OTUD6B: variants seen among roughly 807,000 people sequenced by gnomAD.
OTUD6B encodes the protein deubiquitinase OTUD6B.
A neutral mutation model predicts 36.9 loss-of-function variants in OTUD6B; 41 were observed. The ratio of observed to expected loss-of-function variants is 1.11; its 90% CI spans 0.87 to 1.44. OTUD6B has a LOEUF of 1.44. Among genes scored for constraint, OTUD6B ranks in the 40% most tolerant of loss-of-function variants. OTUD6B has a pLI of 0.00. For synonymous variants in OTUD6B, 114 were observed against 114.2 expected (o/e 1.00, Z 0.01); for missense variants, 356 against 344.8 (o/e 1.03, Z -0.26).
intron 4 of OTUD6B, chr8:91,079,228 G>A (rs1480854279): frequency 6.6e-6 from 1 of 152,200 alleles, no homozygotes; most frequent in Non-Finnish European, 1.5e-5. Flanking sequence ...AGATGAGGAA[G>A]AGAGCAAGTA....
Position 91,082,053 on chromosome 8 carries a change from A to G in OTUD6B, c.690+1323A>G, listed in dbSNP as rs989008593. 2.0e-5 allele frequency among the ~76,000 whole-genome samples: 3 copies of G among 152,282 alleles called. No individual in the cohort carries two copies. In the East Asian group the frequency reaches 5.8e-4, roughly 29 times the overall value. On this transcript the variant is annotated intron_variant, in intron 5 of 6. Transcript: ENST00000404789. The stretch of plus-strand genomic sequence containing the variant: ...TGAATTCATTTGAAGTAAGAGTTGC[A>G]GTTTTCACAATAGAGTAAATTTAAG...
At chr8:91,077,218 A>G (rs1333485749) in intron 3 of OTUD6B, among the ~76,000 whole-genome samples, 1 of 151,818 alleles carries the variant, frequency 6.6e-6, no homozygotes, top group Non-Finnish European at 1.5e-5. Context: ...AGAAAGATGC[A>G]GAAAAACATA....
intron 5 of OTUD6B, among the ~76,000 whole-genome samples, chr8:91,082,704 C>T (rs548813713): frequency 2.7e-5 from 4 of 147,324 alleles, no homozygotes; most frequent in South Asian, 2.2e-4. Context: ...GGAATTAATA[C>T]ACATAAAGTA....
intron 5 of OTUD6B, among the ~76,000 whole-genome samples, chr8:91,082,803 G>A (rs1389016171): frequency 2.1e-5 from 3 of 142,076 alleles, no homozygotes; most frequent in African/African-American, 8.1e-5. Context: ...CCCAGTTGGA[G>A]TACAGTGGCG....
chr8:91,071,904 A>T (rs1323642126), intron 2 of OTUD6B, among the ~76,000 whole-genome samples: 2 of 152,238 alleles, frequency 1.3e-5, no homozygotes, highest in South Asian at 2.1e-4. Flanking sequence ...TTGTAACCTG[A>T]GCAAGGTTAC....
chr8:91,078,050 A>G (rs532238470), intron 3 of OTUD6B, among the ~76,000 whole-genome samples: 55 of 152,184 alleles, frequency 3.6e-4, no homozygotes, highest in Non-Finnish European at 7.4e-4. Flanking sequence ...TTAAGAGAAT[A>G]CTTTGAAATC....
At chr8:91,082,556 C>T (rs1205911495) in intron 5 of OTUD6B, among the ~76,000 whole-genome samples, 1 of 151,920 alleles carries the variant, frequency 6.6e-6, no homozygotes, top group African/African-American at 2.4e-5. Flanking sequence ...AACGGGGTCT[C>T]CCTGTGTTGC....
chr8:91,086,364 C>A lies in OTUD6B; in HGVS notation c.*1496C>A, dbSNP rs1586211495. On this transcript the variant is annotated 3_prime_UTR_variant, in exon 7 of 7. Transcript: ENST00000404789. The stretch of plus-strand genomic sequence containing the variant: ...AGTACTTCCTGAAGGCTTTCCAGTT[C>A]AAAAGATTACAAGCCATTCTGCCTG... 1 of 152,110 alleles carries A rather than the reference C, an allele frequency of 6.6e-6. No homozygotes were observed. The highest frequency in any genetic ancestry group is 1.9e-4 in the East Asian group (1 of 5,178). 9.4% of individuals were successfully genotyped at this position (152,110 alleles called of 1,614,324 possible). A position where few individuals can be genotyped will look rare whatever the true frequency, so the allele number is the denominator to read the frequency against.
intron 5 of OTUD6B, 101 bp downstream of exon 5, chr8:91,080,831 G>GAA (rs1482651240): frequency 2.5e-6 from 2 of 812,630 alleles, no homozygotes; most frequent in African/African-American, 3.5e-5. Flanking sequence ...ATTTCTCTTT[G>GAA]AAGATTCCTT....
In OTUD6B at chr8:91,086,925, A is replaced by G. The variant is rs1813028361; in HGVS notation, c.*2057A>G. ...CTTTTGTCCTAACTCTGAAAAGTAT[A>G]TGTCAGAGTTCTGGAATATGTCTTT... On this transcript the variant is annotated 3_prime_UTR_variant, in exon 7 of 7. Coordinates refer to ENST00000404789, the MANE Select transcript of OTUD6B (RefSeq NM_016023.5). The G allele has an allele frequency of 6.6e-6, 1 of 152,122 alleles. No homozygotes were observed. The highest frequency in any genetic ancestry group is 1.5e-5 in the Non-Finnish European group (1 of 67,946). The allele number at this position is 152,122 out of a possible 1,614,324, so 9.4% of individuals were successfully genotyped here.
chr8:91,079,084 A>G (rs1812853695), intron 4 of OTUD6B: 1 of 154,096 alleles, frequency 6.5e-6, no homozygotes, highest in South Asian at 2.0e-4. Flanking sequence ...CTTTACTTTT[A>G]TTTACAATAA....
intron 6 of OTUD6B, among the ~76,000 whole-genome samples, 163 bp downstream of exon 6, chr8:91,084,277 G>A (rs2130447184): frequency 6.6e-6 from 1 of 152,188 alleles, no homozygotes; most frequent in South Asian, 2.1e-4. Context: ...CATTTCTAAA[G>A]GTTATAACAT....
chr8:91,073,263 AAC>A (rs1336623210), intron 2 of OTUD6B, among the ~76,000 whole-genome samples: 2 of 152,170 alleles, frequency 1.3e-5, no homozygotes, highest in Admixed American at 6.5e-5. Flanking sequence ...TACTCTAGCA[AAC>A]ACACACTAGC....
chr8:91,084,304 A>T lies in OTUD6B; in HGVS notation c.797+190A>T, dbSNP rs146576595. 5.0e-4 allele frequency among the ~76,000 whole-genome samples: 76 copies of T among 152,318 alleles called. 1 individual carries two copies. In the East Asian group the frequency reaches 0.014, roughly 28 times the overall value. ...TTATAACATTTTAGGACTAGTTTGT[A>T]TACTGTCCTGGTTTGACATTAGTAA... On this transcript the variant is annotated intron_variant, in intron 6 of 6. Coordinates refer to ENST00000404789, the MANE Select transcript of OTUD6B (RefSeq NM_016023.5).
At position 91,070,390 on chromosome 8, in the gene OTUD6B, G is replaced by C. The variant is rs770600040; in HGVS notation, c.6G>C (p.Glu2Asp). Residue 2 changes from glutamate to aspartate, a missense_variant, in exon 1 of 7, where the codon GAG becomes GAC. Transcript: ENST00000404789. ...TGCTGGGGTACCTGGTCGTCATGGA[G>C]GCGGTATTGACCGAAGAGCTTGATG... M[E>D]AVLTEELDEE... The C allele has an allele frequency of 6.2e-7, 1 of 1,609,006 alleles. No individual in the cohort carries two copies. Among genetic ancestry groups the C allele is most frequent in the Non-Finnish European group, 8.5e-7 (1 of 1,177,692 alleles).
chr8:91,078,288 T>G, intron 3 of OTUD6B, 68 bp from the exon 4 acceptor site: 2 of 1,465,692 alleles, frequency 1.4e-6, no homozygotes, highest in Non-Finnish European at 1.8e-6. Flanking sequence ...TACATTTCCC[T>G]TCCCTTAATA....
intron 2 of OTUD6B, 98 bp downstream of exon 2, chr8:91,071,387 G>T (rs1471209148): frequency 5.0e-6 from 5 of 994,124 alleles, no homozygotes; most frequent in Non-Finnish European, 7.3e-6. Context: ...TTTTGAGACG[G>T]TGTCTCGCTT....
In OTUD6B at chr8:91,077,614, T is replaced by C. The variant is rs191216567; in HGVS notation, c.316-742T>C. Among the ~76,000 whole-genome samples, 713 of 152,156 alleles carry C rather than the reference T, an allele frequency of 4.7e-3. 8 individuals are homozygous for C. Among genetic ancestry groups the C allele is most frequent in the African/African-American group, 0.016 (662 of 41,526 alleles). ...CGTCACCCCACTCCATCCTTGCATA[T>C]GTTTCCATGGGAGGAGCTTATCAGA... On this transcript the variant is annotated intron_variant, in intron 3 of 6. Coordinates refer to ENST00000404789, the MANE Select transcript of OTUD6B (RefSeq NM_016023.5).
rs1329089218 is a variant in OTUD6B, at chr8:91,082,794, C to T, written c.691-1214C>T. On this transcript the variant is annotated intron_variant, in intron 5 of 6. Transcript: ENST00000404789. Reference sequence around the variant, plus strand: ...TGAAACAGGGTCTCACTCTGTCACCCCAGTTGGAGTACAGTGGCGTGATCT... The same window carrying T: ...TGAAACAGGGTCTCACTCTGTCACCTCAGTTGGAGTACAGTGGCGTGATCT... Among the ~76,000 whole-genome samples the T allele has an allele frequency of 3.4e-5, 5 of 148,886 alleles. No homozygotes were observed. The South Asian group carries it at 8.6e-4, about 26-fold the overall frequency.
Sources: allele counts gnomAD v4.1 joint callset (sites outside exome capture counted in the v4.1 genomes callset), GRCh38; gene constraint gnomAD v4.1.1; transcripts MANE v1.5; gene names NCBI Gene and HGNC (gene_info 2026-07-23, HGNC 2026-07-21).